AHCYL1: variants seen among roughly 807,000 people sequenced by gnomAD.
The protein encoded by AHCYL1 is adenosylhomocysteinase like 1, also known as S-adenosylhomocysteine hydrolase-like protein 1.
AHCYL1 carries 20 observed loss-of-function variants against 79.3 expected under a neutral mutation model. The observed-to-expected ratio is 0.25, with a 90% CI of 0.18 to 0.37. The LOEUF (loss-of-function observed/expected upper bound fraction) is 0.37. AHCYL1 is among the 10% of genes least tolerant of loss of function. The pLI is 1.00. For missense variants in AHCYL1, 330 were observed against 673.6 expected, an observed-to-expected ratio of 0.49 and a Z score of 5.65; for synonymous variants, 223 against 242.2, an observed-to-expected ratio of 0.92 and a Z score of 0.74.
At chr1:110,007,208 C>T (rs971559584) in intron 1 of AHCYL1, among the ~76,000 whole-genome samples, 4 of 152,044 alleles carry the variant, frequency 2.6e-5, no homozygotes, top group African/African-American at 9.7e-5. Flanking sequence ...TGCCCAGAAC[C>T]CTTTGAAAAA....
intron 1 of AHCYL1, among the ~76,000 whole-genome samples, chr1:110,007,356 C>T (rs1553188696): frequency 6.6e-6 from 1 of 152,144 alleles, no homozygotes; most frequent in Non-Finnish European, 1.5e-5. Context: ...GGTCTCTTGA[C>T]TGTGTATTTT....
chr1:110,002,857 T>G (rs1036251206), intron 1 of AHCYL1, among the ~76,000 whole-genome samples: 10 of 152,204 alleles, frequency 6.6e-5, no homozygotes, highest in African/African-American at 9.7e-5. Context: ...TGCCAGAATT[T>G]TAACCTTTTT....
At chr1:110,011,470 C>T in intron 3 of AHCYL1, 113 bp downstream of exon 3, 1 of 1,428,582 alleles carries the variant, frequency 7.0e-7, no homozygotes, top group Admixed American at 2.1e-5. Flanking sequence ...GGAAGAAAGA[C>T]AGTATTATGG....
chr1:110,004,164 G>T (rs1650496354), intron 1 of AHCYL1: 2 of 985,414 alleles, frequency 2.0e-6, no homozygotes, highest in African/African-American at 3.5e-5. Context: ...CTAGCTGTGT[G>T]TGTGTTATAT....
At chr1:110,018,671 T>G (rs1468315354) in intron 13 of AHCYL1, 21 bp downstream of exon 13, 1 of 1,603,896 alleles carries the variant, frequency 6.2e-7, no homozygotes, top group Non-Finnish European at 8.5e-7. Flanking sequence ...AGAAGGACCC[T>G]GGCAGAGCAG....
chr1:109,998,394 G>C (rs181898261), intron 1 of AHCYL1, among the ~76,000 whole-genome samples: 54 of 152,240 alleles, frequency 3.5e-4, no homozygotes, highest in African/African-American at 1.3e-3. Flanking sequence ...GCCAAAGCAG[G>C]AGGATCCCCT....
intron 1 of AHCYL1, among the ~76,000 whole-genome samples, chr1:109,992,693 G>A (rs1453609612): frequency 6.6e-6 from 1 of 152,214 alleles, no homozygotes; most frequent in Non-Finnish European, 1.5e-5. Flanking sequence ...TTGAGGGAAT[G>A]CTCTTGAGAA....
At chr1:110,008,953 A>T in intron 1 of AHCYL1, 81 bp from the exon 2 acceptor site, 1 of 1,099,604 alleles carries the variant, frequency 9.1e-7, no homozygotes, top group South Asian at 1.5e-5. Context: ...CTTTTAGGGA[A>T]AGACAATGTA....
At chr1:110,018,233 G>T in intron 11 of AHCYL1, 140 bp from the exon 12 acceptor site, 1 of 900,778 alleles carries the variant, frequency 1.1e-6, no homozygotes, top group Admixed American at 2.3e-5. Flanking sequence ...CCTAAGGAGC[G>T]GTTATGCATG....
At chr1:110,020,600 T>G in intron 15 of AHCYL1, 131 bp from the exon 16 acceptor site, 1 of 1,219,172 alleles carries the variant, frequency 8.2e-7, no homozygotes, top group Non-Finnish European at 1.1e-6. Context: ...ATATTTCAAG[T>G]TGTGGATTCT....
chr1:110,018,404 G>A lies in AHCYL1; in HGVS notation c.1155G>A (p.Leu385=). Residue 385 remains leucine (L), a synonymous_variant, in exon 12 of 17, where the codon TTG becomes TTA. Coordinates refer to ENST00000369799, the MANE Select transcript of AHCYL1 (RefSeq NM_006621.7). ...GNKNVVTREH[L]DRMKNSCIVC... is the part of the protein sequence containing the mutation. ...AGAATGTAGTGACACGGGAGCACTT[G>A]GATCGCATGAAAAACAGTTGTATCG... 1 of 1,614,124 alleles carries A rather than the reference G, an allele frequency of 6.2e-7. No homozygotes were observed. The highest frequency in any genetic ancestry group is 1.1e-5 in the South Asian group (1 of 91,078).
chr1:110,019,455 G>T (rs1254800342), intron 14 of AHCYL1, 93 bp from the exon 15 acceptor site: 2 of 1,134,342 alleles, frequency 1.8e-6, no homozygotes, highest in Non-Finnish European at 1.3e-6. Context: ...GATCACTGTA[G>T]TACTTACCCA....
chr1:110,020,987 G>A, intron 16 of AHCYL1, 136 bp downstream of exon 16: 1 of 1,321,246 alleles, frequency 7.6e-7, no homozygotes, highest in South Asian at 1.6e-5. Flanking sequence ...GCCAGGCACG[G>A]TGGCTCACGC....
chr1:110,009,279 C>T (rs1011943650), intron 2 of AHCYL1, 134 bp downstream of exon 2: 1 of 726,578 alleles, frequency 1.4e-6, no homozygotes, highest in Non-Finnish European at 2.2e-6. Flanking sequence ...AGTGGCTGGG[C>T]AGTGGGAATG....
intron 7 of AHCYL1, 102 bp downstream of exon 7, chr1:110,015,633 G>T: frequency 8.1e-6 from 7 of 868,794 alleles, no homozygotes; most frequent in South Asian, 3.5e-5. Flanking sequence ...TAACTAAATG[G>T]GAATATCTTC....
At chr1:109,997,669 G>C (rs970022460) in intron 1 of AHCYL1, among the ~76,000 whole-genome samples, 2 of 152,172 alleles carry the variant, frequency 1.3e-5, no homozygotes, top group South Asian at 4.1e-4. Flanking sequence ...CTGAGGGTTA[G>C]TGCAGTGTGT....
At chr1:110,008,022 GTTTTT>G (rs5776999) in intron 1 of AHCYL1, among the ~76,000 whole-genome samples, 1 of 87,480 alleles carries the variant, frequency 1.1e-5, no homozygotes, top group Non-Finnish European at 2.3e-5. Context: ...TTTTTTTTGG[GTTTTT>G]TTTTTTTTTT....
rs1649440695 is a variant in AHCYL1, at chr1:109,985,892, T to G, written c.120+720T>G. 2.0e-5 allele frequency among the ~76,000 whole-genome samples: 3 copies of G among 152,282 alleles called. No individual in the cohort carries two copies. In the South Asian group the frequency reaches 6.2e-4, roughly 32 times the overall value. On this transcript the variant is annotated intron_variant, in intron 1 of 16. Transcript: ENST00000369799. ...GTAGTGGGTGGTAAGGGAAGATTGC[T>G]CACTCTTGACTGTACTTTTGAGGCA... is the stretch of plus-strand genomic sequence containing the variant.
At position 109,999,805 on chromosome 1, in the gene AHCYL1, G is replaced by C. The variant is rs551022683; in HGVS notation, c.121-9229G>C. ...CAGGGTCTTGCTCTGTTGCCCTGGA[G>C]TACACTGGCACAGTCACAGCTCACT... On this transcript the variant is annotated intron_variant, in intron 1 of 16. Coordinates refer to ENST00000369799, the MANE Select transcript of AHCYL1 (RefSeq NM_006621.7). Among the ~76,000 whole-genome samples, 14 of 151,722 alleles carry C rather than the reference G, an allele frequency of 9.2e-5. No individual in the cohort carries two copies. In the South Asian group the frequency reaches 1.5e-3, roughly 16 times the overall value.
Sources: gnomAD v4.1 joint callset for allele counts (sites outside exome capture counted in the v4.1 genomes callset) on GRCh38, gnomAD v4.1.1 for gene constraint, MANE v1.5 for transcripts, NCBI Gene and HGNC (gene_info 2026-07-23, HGNC 2026-07-21) for gene names.